The following GRIN2A variants were observed in gnomAD, a reference collection of about 807,000 sequenced individuals.
GRIN2A encodes glutamate ionotropic receptor NMDA type subunit 2A, also known as glutamate receptor ionotropic, NMDA 2A.
In GRIN2A, 22 loss-of-function variants were observed where a neutral mutation model predicts 113.4. That is an observed-to-expected ratio of 0.19 (90% CI 0.14 to 0.28). The LOEUF is 0.28. Among genes scored for constraint, GRIN2A ranks in the 10% least tolerant of loss-of-function variants. The probability of loss-of-function intolerance (pLI) is 1.00; values close to 1 mark genes in which losing one functional copy is unlikely to be tolerated. For synonymous variants in GRIN2A, 827 were observed against 738.4 expected, an observed-to-expected ratio of 1.12 and a Z score of -1.94; for missense variants, 1,502 against 1,887.0, an observed-to-expected ratio of 0.80 and a Z score of 3.78.
intron 2 of GRIN2A, among the ~76,000 whole-genome samples, chr16:10,073,677 A>G (rs2047805658): frequency 1.3e-5 from 2 of 152,064 alleles, no homozygotes; most frequent in African/African-American, 4.8e-5. Context: ...TTATTCATCA[A>G]AGGGCACTAT....
At chr16:9,921,774 C>T (rs1390900363) in intron 3 of GRIN2A, among the ~76,000 whole-genome samples, 3 of 152,144 alleles carry the variant, frequency 2.0e-5, no homozygotes, top group Non-Finnish European at 2.9e-5. Flanking sequence ...TTATTAATAA[C>T]CACAAAGAAC....
intron 2 of GRIN2A, among the ~76,000 whole-genome samples, chr16:10,117,507 A>G (rs116295934): frequency 0.018 from 2,049 of 112,180 alleles, 51 homozygotes; most frequent in African/African-American, 0.059. Flanking sequence ...TTGGAAAATC[A>G]TCATAATAAA....
At chr16:9,819,723 G>A (rs2042245621) in intron 10 of GRIN2A, among the ~76,000 whole-genome samples, 1 of 151,778 alleles carries the variant, frequency 6.6e-6, no homozygotes, top group Admixed American at 6.6e-5. Context: ...CAGCACTTTG[G>A]AAGGCCAAGG....
At chr16:10,073,101 AC>A (rs1293740570) in intron 2 of GRIN2A, among the ~76,000 whole-genome samples, 1 of 151,756 alleles carries the variant, frequency 6.6e-6, no homozygotes, top group African/African-American at 2.4e-5. Flanking sequence ...GATTACAGGC[AC>A]CCACCGCCAC....
chr16:9,827,583 T>A (rs2042409568), intron 9 of GRIN2A, among the ~76,000 whole-genome samples: 1 of 152,216 alleles, frequency 6.6e-6, no homozygotes, highest in South Asian at 2.1e-4. Context: ...CAGATTAGTC[T>A]TTGGTTACAG....
intron 2 of GRIN2A, among the ~76,000 whole-genome samples, chr16:10,129,665 G>C (rs1277343741): frequency 6.6e-6 from 1 of 152,186 alleles, no homozygotes; most frequent in African/African-American, 2.4e-5. Context: ...AGCAGGATTT[G>C]GTCTGAGATA....
chr16:9,977,762 C>T (rs1392682422), intron 2 of GRIN2A, among the ~76,000 whole-genome samples: 1 of 152,212 alleles, frequency 6.6e-6, no homozygotes, highest in Non-Finnish European at 1.5e-5. Flanking sequence ...CACACATACA[C>T]ACACACTTCA....
At chr16:10,028,438 G>T (rs967573889) in intron 2 of GRIN2A, among the ~76,000 whole-genome samples, 1 of 152,196 alleles carries the variant, frequency 6.6e-6, no homozygotes, top group Non-Finnish European at 1.5e-5. Flanking sequence ...TCTGCATCTG[G>T]GTGTAGCCAT....
chr16:9,895,790 T>C (rs16966634), intron 3 of GRIN2A, among the ~76,000 whole-genome samples: 45,806 of 152,074 alleles, frequency 0.3, 7,665 homozygotes, highest in African/African-American at 0.45. Flanking sequence ...AGGTGTTTCT[T>C]ATTGAGTACA....
intron 2 of GRIN2A, among the ~76,000 whole-genome samples, chr16:10,056,399 T>A (rs1280506063): frequency 2.0e-5 from 3 of 152,056 alleles, no homozygotes; most frequent in Admixed American, 6.6e-5. Flanking sequence ...CTCTTCCCCT[T>A]CCAGCCAGGC....
rs533405592 is a variant in GRIN2A, at chr16:9,905,093, C to T, written c.1008-13993G>A. ...AATCTACTTCTTAGTAAACACATCA[C>T]TTCAATAAACATCCATTGAACATCT... On this transcript the variant is annotated intron_variant, in intron 3 of 12. Transcript: ENST00000330684. Among the ~76,000 whole-genome samples the T allele has an allele frequency of 5.3e-5, 8 of 152,318 alleles. No individual in the cohort carries two copies. The East Asian group carries it at 1.5e-3, about 29-fold the overall frequency.
chr16:9,821,711 A>G (rs1472383478), intron 10 of GRIN2A, among the ~76,000 whole-genome samples: 3 of 152,158 alleles, frequency 2.0e-5, no homozygotes, highest in African/African-American at 4.8e-5. Flanking sequence ...TTTTCTTTAC[A>G]TCTTCAGCTA....
chr16:10,149,112 A>T (rs903259495), intron 2 of GRIN2A, among the ~76,000 whole-genome samples: 1 of 152,212 alleles, frequency 6.6e-6, no homozygotes, highest in Non-Finnish European at 1.5e-5. Context: ...AGGGATGGTT[A>T]ATGGGTTCAA....
At position 10,119,145 on chromosome 16, in the gene GRIN2A, G is replaced by C. The variant is rs552696169; in HGVS notation, c.414+60853C>G. 3.9e-4 allele frequency among the ~76,000 whole-genome samples: 59 copies of C among 152,190 alleles called. 1 individual carries two copies. Among genetic ancestry groups the C allele is most frequent in the African/African-American group, 1.3e-3 (53 of 41,524 alleles). ...GATATTTGAGGGCTTATTTGTTATA[G>C]CATCTACCATCATCCTTTGAATTAC... On this transcript the variant is annotated intron_variant, in intron 2 of 12. Coordinates refer to ENST00000330684, the MANE Select transcript of GRIN2A (RefSeq NM_001134407.3).
chr16:9,947,006 A>G (rs1351929836), intron 2 of GRIN2A, among the ~76,000 whole-genome samples: 2 of 152,180 alleles, frequency 1.3e-5, no homozygotes, highest in Non-Finnish European at 2.9e-5. Flanking sequence ...GTCACTTGCA[A>G]TCAAAGATTA....
chr16:10,039,288 C>T (rs761131342), intron 2 of GRIN2A, among the ~76,000 whole-genome samples: 1 of 152,152 alleles, frequency 6.6e-6, no homozygotes, highest in South Asian at 2.1e-4. Flanking sequence ...CTCTTGCTCA[C>T]GACTCAAAGG....
At chr16:10,087,536 T>G (rs1030322936) in intron 2 of GRIN2A, among the ~76,000 whole-genome samples, 1 of 152,246 alleles carries the variant, frequency 6.6e-6, no homozygotes, top group Non-Finnish European at 1.5e-5. Flanking sequence ...TAACCTCATA[T>G]AACTGGAACA....
chr16:9,940,046 G>GAA, intron 2 of GRIN2A, among the ~76,000 whole-genome samples: 1 of 139,494 alleles, frequency 7.2e-6, no homozygotes, highest in Non-Finnish European at 1.6e-5. Flanking sequence ...GAGAGAAAGA[G>GAA]AGAGAGAGAG....
At chr16:9,773,330 G>T (rs955788632) in intron 11 of GRIN2A, among the ~76,000 whole-genome samples, 3 of 152,150 alleles carry the variant, frequency 2.0e-5, no homozygotes, top group African/African-American at 7.2e-5. Flanking sequence ...AGAGTAAAAG[G>T]CTGGGAAATG....
Sources: gnomAD v4.1 joint callset for allele counts (sites outside exome capture counted in the v4.1 genomes callset) on GRCh38, gnomAD v4.1.1 for gene constraint, MANE v1.5 for transcripts, NCBI Gene and HGNC (gene_info 2026-07-23, HGNC 2026-07-21) for gene names.